UBE4B: variants seen among roughly 807,000 people sequenced by gnomAD.
UBE4B encodes the protein ubiquitin conjugation factor E4 B.
UBE4B carries 27 observed loss-of-function variants against 148.1 expected under a neutral mutation model. The observed-to-expected ratio is 0.18, with a 90% CI of 0.13 to 0.25. The LOEUF (loss-of-function observed/expected upper bound fraction) is 0.25, where lower values mean the gene tolerates loss of function less well. UBE4B is among the 10% of genes least tolerant of loss of function. The pLI is 1.00. For synonymous variants in UBE4B, 596 were observed against 619.3 expected (o/e 0.96, Z 0.56); for missense variants, 1,170 against 1,662.4 (o/e 0.70, Z 5.15).
intron 18 of UBE4B, 126 bp from the exon 19 acceptor site, chr1:10,146,837 G>C: frequency 8.6e-7 from 1 of 1,160,286 alleles, no homozygotes; most frequent in Non-Finnish European, 1.2e-6. Context: ...TAGCTAGTTA[G>C]GAGATGAAGC....
Position 10,168,345 on chromosome 1 carries a change from T to C in UBE4B, c.3333+75T>C. Reference sequence around the variant, plus strand: ...ACTCTCTCACTTATAACTTTAGCAGTTGTTGAAGTTCTGGAAATTTTAGGA... The same window carrying C: ...ACTCTCTCACTTATAACTTTAGCAGCTGTTGAAGTTCTGGAAATTTTAGGA... On this transcript the variant is annotated intron_variant, in intron 24 of 27. Transcript: ENST00000343090. The surrounding 1 kb of genome is among the most constrained non-coding windows in gnomAD (Gnocchi z 4.9). The C allele has an allele frequency of 1.3e-6, 2 of 1,528,368 alleles. No homozygotes were observed. Among genetic ancestry groups the C allele is most frequent in the Non-Finnish European group, 1.8e-6 (2 of 1,136,388 alleles). The allele number at this position is 1,528,368 out of a possible 1,614,324, so 94.7% of individuals were successfully genotyped here. A position where few individuals can be genotyped will look rare whatever the true frequency, so the allele number is the denominator to read the frequency against.
intron 2 of UBE4B, among the ~76,000 whole-genome samples, chr1:10,073,681 C>T (rs1644525496): frequency 6.6e-6 from 1 of 152,100 alleles, no homozygotes; most frequent in Non-Finnish European, 1.5e-5. Context: ...GATTGCGCTA[C>T]TGCACTCCAA....
chr1:10,138,408 A>AT (rs1186680332), intron 17 of UBE4B, among the ~76,000 whole-genome samples: 81 of 151,938 alleles, frequency 5.3e-4, no homozygotes, highest in African/African-American at 1.8e-3. Context: ...AATTTTTTGT[A>AT]TTTTTTGTAG....
chr1:10,106,873 T>C lies in UBE4B; in HGVS notation c.1196+290T>C, dbSNP rs559353284. Among the ~76,000 whole-genome samples the C allele has an allele frequency of 3.3e-5, 5 of 152,174 alleles. No individual in the cohort carries two copies. The highest frequency in any genetic ancestry group is 3.3e-4 in the Admixed American group (5 of 15,270). On this transcript the variant is annotated intron_variant, in intron 7 of 27. Coordinates refer to ENST00000343090, the MANE Select transcript of UBE4B (RefSeq NM_001105562.3). This position sits in a 1 kb window ranked among gnomAD's most constrained non-coding sequence, Gnocchi z 4.2. ...TGGCCTTTTGTCCTGTTGCCAGTGG[T>C]AGTTGAAATGCTATCAGACCAAGCA... is the stretch of plus-strand genomic sequence containing the variant.
At chr1:10,155,064 GGAGAGAGAGA>G (rs112077178) in intron 21 of UBE4B, among the ~76,000 whole-genome samples, 1 of 149,130 alleles carries the variant, frequency 6.7e-6, no homozygotes, top group African/African-American at 2.5e-5. Flanking sequence ...TGTGGCTTCA[GGAGAGAGAGA>G]GAGAGAGAGA....
chr1:10,103,195 G>C (rs949211980), intron 5 of UBE4B, 103 bp downstream of exon 5: 81 of 1,296,996 alleles, frequency 6.2e-5, no homozygotes, highest in Non-Finnish European at 8.0e-5. Context: ...CTTGCTCTTG[G>C]GTTGTATTTT....
chr1:10,050,766 A>G (rs1267265175), intron 1 of UBE4B, among the ~76,000 whole-genome samples: 1 of 142,644 alleles, frequency 7.0e-6, no homozygotes. Context: ...CTATGTTGCC[A>G]TGTTGCCCAG....
At chr1:10,097,049 A>T (rs58810882) in intron 3 of UBE4B, among the ~76,000 whole-genome samples, 6,056 of 145,978 alleles carry the variant, frequency 0.041, 207 homozygotes, top group African/African-American at 0.096. Context: ...AAAAAAAAAA[A>T]AAAAATAATA....
chr1:10,170,074 C>T (rs1646316291), intron 24 of UBE4B, among the ~76,000 whole-genome samples: 1 of 152,098 alleles, frequency 6.6e-6, no homozygotes, highest in African/African-American at 2.4e-5. Flanking sequence ...ACACTGTAGC[C>T]CTGTTCTTTT....
intron 1 of UBE4B, among the ~76,000 whole-genome samples, chr1:10,057,420 C>CTTTTTT (rs1359827824): frequency 7.5e-6 from 1 of 132,920 alleles, no homozygotes. Flanking sequence ...AGTCTTTTCT[C>CTTTTTT]TTTTTTTTTT....
intron 8 of UBE4B, among the ~76,000 whole-genome samples, chr1:10,119,196 C>G (rs1280616072): frequency 6.6e-6 from 1 of 151,926 alleles, no homozygotes; most frequent in South Asian, 2.1e-4. Flanking sequence ...TAGTCTTAAA[C>G]TTCTGACCTC....
intron 14 of UBE4B, among the ~76,000 whole-genome samples, chr1:10,131,595 C>T (rs575102138): frequency 2.0e-5 from 3 of 149,744 alleles, no homozygotes; most frequent in East Asian, 4.1e-4. Context: ...GCCGGCTGGG[C>T]GTGTTGGCTA....
At chr1:10,127,643 G>A (rs1363201822) in intron 11 of UBE4B, among the ~76,000 whole-genome samples, 1 of 152,180 alleles carries the variant, frequency 6.6e-6, no homozygotes, top group Admixed American at 6.5e-5. Context: ...TGTAAATTGA[G>A]ACCATGGTTG....
chr1:10,063,065 C>T (rs1410409866), intron 1 of UBE4B, among the ~76,000 whole-genome samples: 2 of 151,682 alleles, frequency 1.3e-5, no homozygotes, highest in Admixed American at 6.6e-5. Flanking sequence ...GTCAGGAATT[C>T]GAAACCAGCC....
intron 2 of UBE4B, among the ~76,000 whole-genome samples, chr1:10,084,309 C>G (rs1305618941): frequency 6.6e-6 from 1 of 152,172 alleles, no homozygotes; most frequent in African/African-American, 2.4e-5. Flanking sequence ...TGCTTGAAAG[C>G]CTTCCTCGTC....
In UBE4B at chr1:10,117,376, C is replaced by T. The variant is rs1645329895; in HGVS notation, c.1197-83C>T. ...TTTGTTATGTGTACAGGGATCCTAA[C>T]AGGCTTTCTGCTGCAGAAATGCAAA... On this transcript the variant is annotated intron_variant, in intron 7 of 27. Transcript: ENST00000343090. 10 of 1,580,282 alleles carry T rather than the reference C, an allele frequency of 6.3e-6. No homozygotes were observed. In the South Asian group the frequency reaches 9.0e-5, roughly 14 times the overall value.
At chr1:10,109,003 C>G (rs1325342626) in intron 7 of UBE4B, among the ~76,000 whole-genome samples, 1 of 152,144 alleles carries the variant, frequency 6.6e-6, no homozygotes, top group Non-Finnish European at 1.5e-5. Context: ...TTACTAATAC[C>G]TCTCTTTCTG....
chr1:10,179,397 C>G lies in UBE4B; in HGVS notation c.3701-19C>G, dbSNP rs1455550503. 2.5e-6 allele frequency: 4 copies of G among 1,611,510 alleles called. No homozygotes were observed. The highest frequency in any genetic ancestry group is 1.7e-4 in the Middle Eastern group (1 of 6,006). On this transcript the variant is annotated intron_variant, in intron 26 of 27. Coordinates refer to ENST00000343090, the MANE Select transcript of UBE4B (RefSeq NM_001105562.3). ...TGGGCTCTCAGTAGATTAGAGTTTG[C>G]TTTGCTTTGTCCCCGCAGACCCTCT...
intron 1 of UBE4B, among the ~76,000 whole-genome samples, chr1:10,045,081 C>T (rs1236756276): frequency 6.6e-6 from 1 of 152,184 alleles, no homozygotes; most frequent in Non-Finnish European, 1.5e-5. Context: ...CCCTCGCGTG[C>T]AGAACTCAAT....
Sources: gnomAD v4.1 joint callset for allele counts (sites outside exome capture counted in the v4.1 genomes callset) on GRCh38, gnomAD v4.1.1 for gene constraint, Gnocchi (gnomAD v3.1) non-coding constraint, MANE v1.5 for transcripts, NCBI Gene and HGNC (gene_info 2026-07-23, HGNC 2026-07-21) for gene names.